Variants in CHODL observed in about 807,000 individuals in gnomAD.
CHODL encodes chondrolectin.
A neutral mutation model predicts 34.5 loss-of-function variants in CHODL; 29 were observed. The observed-to-expected ratio is 0.84, with a 90% CI of 0.63 to 1.15. The LOEUF (loss-of-function observed/expected upper bound fraction) is 1.15. Ranked by LOEUF, CHODL falls within the 50% of genes most tolerant of loss-of-function variation. The pLI, the probability that CHODL is intolerant of heterozygous loss-of-function variation, is 0.00. For missense variants in CHODL, 332 were observed against 332.5 expected, an observed-to-expected ratio of 1.00 and a Z score of 0.01; for synonymous variants, 125 against 116.1, an observed-to-expected ratio of 1.08 and a Z score of -0.49.
At chr21:18,159,810 TGAG>T (rs1164261995) in intron 2 of CHODL, among the ~76,000 whole-genome samples, 1 of 151,934 alleles carries the variant, frequency 6.6e-6, no homozygotes, top group African/African-American at 2.4e-5. Flanking sequence ...GATGGCAGCA[TGAG>T]AAGGATTCGA....
chr21:18,151,082 C>CAAAAA (rs61176066), intron 2 of CHODL, among the ~76,000 whole-genome samples: 42 of 122,942 alleles, frequency 3.4e-4, no homozygotes, highest in African/African-American at 6.7e-4. Flanking sequence ...GACTCTGTGT[C>CAAAAA]AAAAAAAAAA....
intron 1 of CHODL, among the ~76,000 whole-genome samples, chr21:17,996,482 C>T (rs1235287892): frequency 6.6e-6 from 1 of 152,068 alleles, no homozygotes; most frequent in Non-Finnish European, 1.5e-5. Context: ...ACTGCTCAGT[C>T]TAGTGAAGAA....
intron 2 of CHODL, among the ~76,000 whole-genome samples, chr21:18,205,739 T>C (rs1171830244): frequency 3.3e-5 from 1 of 30,694 alleles, no homozygotes; most frequent in African/African-American, 5.7e-5. Flanking sequence ...GGAGTATACT[T>C]TTTTTTTTTT....
intron 2 of CHODL, among the ~76,000 whole-genome samples, chr21:18,222,545 G>C (rs2073894583): frequency 6.6e-6 from 1 of 151,998 alleles, no homozygotes; most frequent in Admixed American, 6.6e-5. Flanking sequence ...CTTTTTTTGT[G>C]GCTTGGGCTG....
intron 2 of CHODL, among the ~76,000 whole-genome samples, chr21:18,038,770 T>A (rs1211809165): frequency 6.6e-6 from 1 of 151,668 alleles, no homozygotes; most frequent in East Asian, 1.9e-4. Flanking sequence ...TTCTGTATCA[T>A]TAAAAATCAA....
chr21:17,941,286 CTTTTTTT>C (rs34255623), intron 1 of CHODL, among the ~76,000 whole-genome samples: 2 of 87,958 alleles, frequency 2.3e-5, no homozygotes, highest in Non-Finnish European at 4.3e-5. Flanking sequence ...TAACTTGCCT[CTTTTTTT>C]TTTTTTTTTT....
At chr21:18,082,039 C>T (rs997073016) in intron 2 of CHODL, among the ~76,000 whole-genome samples, 2 of 152,150 alleles carry the variant, frequency 1.3e-5, no homozygotes, top group African/African-American at 4.8e-5. Flanking sequence ...GACTCTGTGT[C>T]CCCACCCAAA....
intron 4 of CHODL, among the ~76,000 whole-genome samples, chr21:18,262,302 C>T (rs1026687543): frequency 1.3e-5 from 2 of 152,064 alleles, no homozygotes; most frequent in African/African-American, 2.4e-5. Flanking sequence ...AGAAATGCAC[C>T]ATTAGGCAAT....
rs1416688405 is a variant in CHODL, at chr21:18,234,359, G to GAA, written c.-44-22150_-44-22149insAA. Among the ~76,000 whole-genome samples the GAA allele has an allele frequency of 3.6e-3, 550 of 152,088 alleles. 5 individuals carry two copies. The highest frequency in any genetic ancestry group is 0.012 in the African/African-American group (509 of 41,496). On this transcript the variant is annotated intron_variant, in intron 2 of 6. Coordinates refer to the CHODL transcript ENST00000400127. ...GAAGCAGAGTGTGGACTATTTTCTTGCCCTCTACTGGCCGTGAAGCCTCAA... is the reference window on the plus strand; with the variant it reads ...GAAGCAGAGTGTGGACTATTTTCTTGAACCCTCTACTGGCCGTGAAGCCTCAA...
intron 2 of CHODL, among the ~76,000 whole-genome samples, chr21:18,162,035 T>C (rs1297175687): frequency 6.6e-6 from 1 of 152,156 alleles, no homozygotes; most frequent in Non-Finnish European, 1.5e-5. Context: ...ACTACCACCC[T>C]CCACCTGTAA....
At chr21:18,138,221 G>C (rs1491777) in intron 2 of CHODL, among the ~76,000 whole-genome samples, 11,837 of 150,094 alleles carry the variant, frequency 0.079, 1,459 homozygotes, top group African/African-American at 0.27. Flanking sequence ...AATCTTTGTT[G>C]ATTCCATTTA....
chr21:18,255,887 C>T (rs545078961), intron 1 of CHODL, among the ~76,000 whole-genome samples: 3 of 152,056 alleles, frequency 2.0e-5, no homozygotes, highest in African/African-American at 7.2e-5. Context: ...GAGATTTTTT[C>T]AGAGATAGTG....
chr21:18,239,235 A>G (rs1486925439), intron 2 of CHODL, among the ~76,000 whole-genome samples: 1 of 152,158 alleles, frequency 6.6e-6, no homozygotes, highest in Non-Finnish European at 1.5e-5. Flanking sequence ...GAGGATAAAG[A>G]AAGGTTTACG....
chr21:17,956,901 G>A lies in CHODL; in HGVS notation c.-145+39501G>A, dbSNP rs1465808209. Among the ~76,000 whole-genome samples, 5 of 149,862 alleles carry A rather than the reference G, an allele frequency of 3.3e-5. No homozygotes were observed. The East Asian group carries it at 9.9e-4, about 30-fold the overall frequency. On this transcript the variant is annotated intron_variant, in intron 1 of 6. Coordinates refer to the CHODL transcript ENST00000400127. ...GGGCCACTAGATATTCAGATATCTA[G>A]TTAAACATTATTTCTGGGTGTGTCT... is the stretch of plus-strand genomic sequence containing the variant.
At chr21:18,028,716 A>G (rs1409234674) in intron 2 of CHODL, among the ~76,000 whole-genome samples, 1 of 151,412 alleles carries the variant, frequency 6.6e-6, no homozygotes, top group Non-Finnish European at 1.5e-5. Context: ...AAAAAAAAAA[A>G]AAAAAAGAAC....
chr21:18,101,925 C>CAAAATT (rs1338491660), intron 2 of CHODL, among the ~76,000 whole-genome samples: 1 of 151,466 alleles, frequency 6.6e-6, no homozygotes, highest in Admixed American at 6.6e-5. Flanking sequence ...ATGAAGTGTC[C>CAAAATT]AAAATTAATA....
chr21:18,189,465 T>G (rs1381430829), intron 2 of CHODL, among the ~76,000 whole-genome samples: 4 of 152,120 alleles, frequency 2.6e-5, no homozygotes, highest in African/African-American at 9.7e-5. Flanking sequence ...TCATTTAACT[T>G]AGTCTAGTCT....
chr21:18,231,304 G>C (rs766775972), intron 2 of CHODL, among the ~76,000 whole-genome samples: 1 of 152,178 alleles, frequency 6.6e-6, no homozygotes, highest in Non-Finnish European at 1.5e-5. Context: ...ACTGCTCAGA[G>C]AGTGTCCTGC....
At chr21:18,032,701 C>T (rs2146441813) in intron 2 of CHODL, among the ~76,000 whole-genome samples, 1 of 152,074 alleles carries the variant, frequency 6.6e-6, no homozygotes, top group East Asian at 1.9e-4. Context: ...TCTCTTATTT[C>T]CTTTTTTTTC....
Sources: gnomAD v4.1 joint callset for allele counts (sites outside exome capture counted in the v4.1 genomes callset) on GRCh38, gnomAD v4.1.1 for gene constraint, MANE v1.5 for transcripts, NCBI Gene and HGNC (gene_info 2026-07-23, HGNC 2026-07-21) for gene names.